Variants in ANKRD37 observed in about 807,000 individuals in gnomAD.
ANKRD37 encodes ankyrin repeat domain-containing protein 37.
A neutral mutation model predicts 19.7 loss-of-function variants in ANKRD37; 17 were observed. The ratio of observed to expected loss-of-function variants is 0.86; its 90% CI spans 0.59 to 1.29. The LOEUF (loss-of-function observed/expected upper bound fraction) is 1.29, where lower values mean the gene tolerates loss of function less well. Ranked by LOEUF, ANKRD37 falls within the 50% of genes most tolerant of loss-of-function variation. The probability of loss-of-function intolerance (pLI) is 0.00; values close to 1 mark genes in which losing one functional copy is unlikely to be tolerated. For missense variants in ANKRD37, 207 were observed against 190.4 expected, an observed-to-expected ratio of 1.09 and a Z score of -0.51; for synonymous variants, 79 against 74.5, an observed-to-expected ratio of 1.06 and a Z score of -0.31.
At position 185,400,128 on chromosome 4, in the gene ANKRD37, C is replaced by A; in HGVS notation, c.*111C>A. On this transcript the variant is annotated 3_prime_UTR_variant, in exon 5 of 5. Transcript: ENST00000335174. Reference sequence around the variant, plus strand: ...GTGTCTAATCTCCTTCTGAGAAGGACGAAAAACTTTCTTCCAAGTGAAGAT... The same window carrying A: ...GTGTCTAATCTCCTTCTGAGAAGGAAGAAAAACTTTCTTCCAAGTGAAGAT... 2.9e-6 allele frequency: 3 copies of A among 1,040,026 alleles called. No individual in the cohort carries two copies. Among genetic ancestry groups the A allele is most frequent in the South Asian group, 1.5e-5 (1 of 66,418 alleles). The allele number at this position is 1,040,026 out of a possible 1,614,324, so 64.4% of individuals were successfully genotyped here. A position where few individuals can be genotyped will look rare whatever the true frequency, so the allele number is the denominator to read the frequency against.
rs780260499 is a variant in ANKRD37, at chr4:185,399,742, G to A, written c.445G>A (p.Val149Ile). ...VLRQKRSLGSVENTSGKRKC is the reference protein window; with the variant it reads ...VLRQKRSLGSIENTSGKRKC ...CAGACAGAAACGGAGTCTCGGAAGT[G>A]TAGAAAATACCAGTGGGAAAAGGAA... is the stretch of plus-strand genomic sequence containing the variant. The change falls in exon 4 of 5, where the codon GTA becomes ATA. Residue 149 changes from valine to isoleucine, a missense_variant. Coordinates refer to ENST00000335174, the MANE Select transcript of ANKRD37 (RefSeq NM_181726.4). The A allele has an allele frequency of 3.6e-5, 58 of 1,614,004 alleles. No homozygotes were observed. The highest frequency in any genetic ancestry group is 3.3e-4 in the Middle Eastern group (2 of 6,084).
downstream of ANKRD37, chr4:185,400,561 G>A: frequency 1.0e-5 from 10 of 993,430 alleles, no homozygotes; most frequent in Non-Finnish European, 1.5e-5. Context: ...GGCTCTGTCA[G>A]CAGGACCTTG....
In ANKRD37 at chr4:185,400,128, C is replaced by G; in HGVS notation, c.*111C>G. On this transcript the variant is annotated 3_prime_UTR_variant, in exon 5 of 5. Transcript: ENST00000335174. Reference sequence around the variant, plus strand: ...GTGTCTAATCTCCTTCTGAGAAGGACGAAAAACTTTCTTCCAAGTGAAGAT... The same window carrying G: ...GTGTCTAATCTCCTTCTGAGAAGGAGGAAAAACTTTCTTCCAAGTGAAGAT... 9.6e-7 allele frequency: 1 copy of G among 1,040,028 alleles called. No homozygotes were observed. Among genetic ancestry groups the G allele is most frequent in the South Asian group, 1.5e-5 (1 of 66,418 alleles). 64.4% of individuals were successfully genotyped at this position (1,040,028 alleles called of 1,614,324 possible).
At chr4:185,400,433 A>G (rs1429782435), downstream of ANKRD37, 1 of 1,613,908 alleles carries the variant, frequency 6.2e-7, no homozygotes, top group African/African-American at 1.3e-5. Context: ...AAGTTATAGT[A>G]TGCATCCTTG....
At chr4:185,398,558 A>G (rs946719371) in intron 2 of ANKRD37, among the ~76,000 whole-genome samples, 2 of 152,224 alleles carry the variant, frequency 1.3e-5, no homozygotes, top group Admixed American at 1.3e-4. Context: ...TGCTGAAGTT[A>G]TAATAGTCCA....
Position 185,398,925 on chromosome 4 carries a change from T to G in ANKRD37, c.181-12T>G. 1.2e-6 allele frequency: 2 copies of G among 1,610,462 alleles called. No homozygotes were observed. Among genetic ancestry groups the G allele is most frequent in the Non-Finnish European group, 1.7e-6 (2 of 1,177,478 alleles). On this transcript the variant is annotated splice_polypyrimidine_tract_variant and intron_variant, in intron 2 of 4. Coordinates refer to ENST00000335174, the MANE Select transcript of ANKRD37 (RefSeq NM_181726.4). ...TTTTGGGAGACTCTAAAATGCACCA[T>G]CTTACCTTAAGGATGTTTTAGGAGA...
At position 185,400,123 on chromosome 4, in the gene ANKRD37, A is replaced by G. The variant is rs985979556; in HGVS notation, c.*106A>G. The stretch of plus-strand genomic sequence containing the variant: ...ATGTTGTGTCTAATCTCCTTCTGAG[A>G]AGGACGAAAAACTTTCTTCCAAGTG... On this transcript the variant is annotated 3_prime_UTR_variant, in exon 5 of 5. Coordinates refer to ENST00000335174, the MANE Select transcript of ANKRD37 (RefSeq NM_181726.4). 1.6e-5 allele frequency: 17 copies of G among 1,095,980 alleles called. No individual in the cohort carries two copies. The highest frequency in any genetic ancestry group is 2.3e-5 in the Non-Finnish European group (17 of 752,652). The allele number at this position is 1,095,980 out of a possible 1,614,324, so 67.9% of individuals were successfully genotyped here.
In ANKRD37 at chr4:185,398,946, G is replaced by A. The variant is rs772006307; in HGVS notation, c.190G>A (p.Gly64Arg). The A allele has an allele frequency of 3.1e-6, 5 of 1,613,640 alleles. No homozygotes were observed. The highest frequency in any genetic ancestry group is 4.2e-6 in the Non-Finnish European group (5 of 1,179,718). Reference sequence around the variant, plus strand: ...ACCATCTTACCTTAAGGATGTTTTAGGAGAAGCTCCACTACACAAGGCAGC... The same window carrying A: ...ACCATCTTACCTTAAGGATGTTTTAAGAGAAGCTCCACTACACAAGGCAGC... The part of the protein sequence containing the change: ...GADLNQQDVL[G>R]EAPLHKAAKV... The change falls in exon 3 of 5, where the codon GGA becomes AGA. Residue 64 changes from glycine (G) to arginine (R), a missense_variant. Gly to Arg is a moderately radical substitution (Grantham distance 125). Transcript: ENST00000335174.
chr4:185,398,872 G>C (rs1171195834), intron 2 of ANKRD37, 65 bp from the exon 3 acceptor site: 10 of 1,138,642 alleles, frequency 8.8e-6, no homozygotes, highest in Admixed American at 7.4e-5. Flanking sequence ...AATATTAAAT[G>C]TCACTCATCA....
intron 3 of ANKRD37, 47 bp downstream of exon 3, chr4:185,399,075 A>C (rs1483254855): frequency 2.7e-6 from 4 of 1,491,178 alleles, no homozygotes; most frequent in Non-Finnish European, 3.7e-6. Flanking sequence ...TCTTGGATTA[A>C]ACTAATCAGA....
At chr4:185,397,732 A>G (rs1047283672) in intron 2 of ANKRD37, 4 of 156,016 alleles carry the variant, frequency 2.6e-5, no homozygotes, top group Non-Finnish European at 5.6e-5. Context: ...AACAGCACAG[A>G]TCTAGTTTAT....
At chr4:185,399,258 C>T (rs1310160399) in intron 3 of ANKRD37, among the ~76,000 whole-genome samples, 1 of 152,168 alleles carries the variant, frequency 6.6e-6, no homozygotes, top group Non-Finnish European at 1.5e-5. Context: ...TTCATTATGA[C>T]TGTATTCTAC....
At chr4:185,399,095 C>A in intron 3 of ANKRD37, 67 bp downstream of exon 3, 1 of 1,313,182 alleles carries the variant, frequency 7.6e-7, no homozygotes, top group Admixed American at 1.8e-5. Context: ...ACTCCTGAAG[C>A]TTAGTTACAT....
chr4:185,396,865 G>A lies in ANKRD37; in HGVS notation c.-59G>A, dbSNP rs2126866560. ...TGCGCATTCTTACCTGTCGGGGTGC[G>A]GCGAGTGTCTCACCTCTCTGCACTT... On this transcript the variant is annotated 5_prime_UTR_variant, in exon 1 of 5. Transcript: ENST00000335174. 1.3e-6 allele frequency: 2 copies of A among 1,583,042 alleles called. No individual in the cohort carries two copies. The highest frequency in any genetic ancestry group is 8.7e-7 in the Non-Finnish European group (1 of 1,155,810).
Position 185,398,967 on chromosome 4 carries a change from G to C in ANKRD37, c.211G>C (p.Ala71Pro). Residue 71 changes from alanine to proline, a missense_variant, in exon 3 of 5, where the codon GCA becomes CCA. Coordinates refer to ENST00000335174, the MANE Select transcript of ANKRD37 (RefSeq NM_181726.4). ...TTTAGGAGAAGCTCCACTACACAAG[G>C]CAGCAAAAGTTGGAAGCCTGGAGTG... ...DVLGEAPLHKAAKVGSLECLS... is the reference protein window; with the variant it reads ...DVLGEAPLHKPAKVGSLECLS... 2.5e-6 allele frequency: 4 copies of C among 1,613,808 alleles called. No homozygotes were observed. The highest frequency in any genetic ancestry group is 2.5e-6 in the Non-Finnish European group (3 of 1,179,844).
At chr4:185,400,412 G>A, downstream of ANKRD37, 6 of 1,613,390 alleles carry the variant, frequency 3.7e-6, no homozygotes, top group Non-Finnish European at 5.1e-6. Context: ...TTTGGTCGCT[G>A]AGGAAGACAT....
At chr4:185,397,035 C>T in intron 1 of ANKRD37, 85 bp downstream of exon 1, 2 of 1,609,258 alleles carry the variant, frequency 1.2e-6, no homozygotes, top group South Asian at 1.1e-5. Flanking sequence ...CGGGGACGGA[C>T]CACTGGGCGC....
rs1561104474 is a variant in ANKRD37 at position 185,400,075 on chromosome 4, GCTC to G, written c.*61_*63del. 1.4e-6 allele frequency: 2 copies of G among 1,473,654 alleles called. No individual in the cohort carries two copies. The highest frequency in any genetic ancestry group is 1.9e-6 in the Non-Finnish European group (2 of 1,069,468). 91.3% of individuals were successfully genotyped at this position (1,473,654 alleles called of 1,614,324 possible). On this transcript the variant is annotated 3_prime_UTR_variant, in exon 5 of 5. Coordinates refer to ENST00000335174, the MANE Select transcript of ANKRD37 (RefSeq NM_181726.4). Reference sequence around the variant, plus strand: ...GCCTTCATTTCATGCAAATCTATAAGCTCCTGCTTTTGGCTTTACCATATGTTG... The same window carrying G: ...GCCTTCATTTCATGCAAATCTATAAGCTGCTTTTGGCTTTACCATATGTTG...
Position 185,397,241 on chromosome 4 carries a change from G to C in ANKRD37, c.119G>C (p.Gly40Ala). Residue 40 changes from glycine to alanine, a missense_variant, in exon 2 of 5, where the codon GGA (glycine) becomes GCA (alanine). Gly to Ala is a moderately conservative substitution (Grantham distance 60). Coordinates refer to ENST00000335174, the MANE Select transcript of ANKRD37 (RefSeq NM_181726.4). ...CAGTCGCCTGTCCACTTAGCCGCAG[G>C]AAGCGGCCTTGCTTGCTTTCTTCTC... Reference protein sequence around the residue: ...CKQSPVHLAAGSGLACFLLWQ... With the variant: ...CKQSPVHLAAASGLACFLLWQ... 3.1e-6 allele frequency: 5 copies of C among 1,614,158 alleles called. No individual in the cohort carries two copies. The South Asian group carries it at 5.5e-5, about 18-fold the overall frequency.
Sources: allele counts gnomAD v4.1 joint callset (sites outside exome capture counted in the v4.1 genomes callset), GRCh38; gene constraint gnomAD v4.1.1; transcripts MANE v1.5; gene names NCBI Gene and HGNC (gene_info 2026-07-23, HGNC 2026-07-21).